Variants in CTNNA2 observed in about 807,000 individuals in gnomAD.
The protein encoded by CTNNA2 is catenin alpha 2, also known as catenin alpha-2.
Under a neutral mutation model 101.0 loss-of-function variants are expected in CTNNA2, and 42 were observed. The observed-to-expected ratio is 0.42, with a 90% CI of 0.32 to 0.54. CTNNA2 has a LOEUF of 0.54. CTNNA2 is among the 20% of genes least tolerant of loss of function. The pLI, the probability that CTNNA2 is intolerant of heterozygous loss-of-function variation, is 0.14. For synonymous variants in CTNNA2, 450 were observed against 456.4 expected (o/e 0.99, Z 0.18); for missense variants, 871 against 1,223.1 (o/e 0.71, Z 4.29).
chr2:80,592,532 C>A (rs3770345), intron 15 of CTNNA2, among the ~76,000 whole-genome samples: 3,660 of 152,286 alleles, frequency 0.024, 90 homozygotes, highest in South Asian at 0.13. Context: ...TGTGATTCTG[C>A]AGTTCCACCT....
chr2:79,499,564 T>A (rs901088521), intron 4 of CTNNA2, among the ~76,000 whole-genome samples: 1 of 152,200 alleles, frequency 6.6e-6, no homozygotes, highest in Non-Finnish European at 1.5e-5. Context: ...TTAGGACCCC[T>A]TTAGAGCTCC....
intron 12 of CTNNA2, among the ~76,000 whole-genome samples, chr2:80,570,989 G>A (rs941577193): frequency 3.3e-5 from 5 of 151,890 alleles, no homozygotes; most frequent in Non-Finnish European, 5.9e-5. Context: ...TCACCCTTGC[G>A]GGAAGTATCA....
chr2:80,594,356 G>T (rs1696766117), intron 15 of CTNNA2, among the ~76,000 whole-genome samples: 1 of 151,856 alleles, frequency 6.6e-6, no homozygotes, highest in African/African-American at 2.4e-5. Flanking sequence ...CTTTTTTGTT[G>T]TTGAGTTGTA....
chr2:80,564,164 T>C (rs1693849250), intron 12 of CTNNA2, among the ~76,000 whole-genome samples: 1 of 151,956 alleles, frequency 6.6e-6, no homozygotes, highest in Admixed American at 6.6e-5. Flanking sequence ...GCAATAAATT[T>C]TTAGCAAGCA....
chr2:79,876,581 G>A (rs773735814), intron 6 of CTNNA2, among the ~76,000 whole-genome samples: 35 of 152,184 alleles, frequency 2.3e-4, no homozygotes, highest in Admixed American at 1.6e-3. Context: ...GAGAAGGCCT[G>A]TGAACAGTCC....
chr2:79,654,538 T>C (rs147945132), intron 2 of CTNNA2, among the ~76,000 whole-genome samples: 21 of 152,294 alleles, frequency 1.4e-4, no homozygotes, highest in African/African-American at 4.8e-4. Context: ...ATCTTAACTC[T>C]ACTCCTTCTC....
At chr2:79,301,000 C>T (rs77680871) in intron 2 of CTNNA2, among the ~76,000 whole-genome samples, 2,670 of 152,264 alleles carry the variant, frequency 0.018, 75 homozygotes, top group African/African-American at 0.06. Flanking sequence ...ACCTCTTTGA[C>T]TGCTTTGCTC....
intron 7 of CTNNA2, among the ~76,000 whole-genome samples, chr2:80,373,842 T>G (rs904930398): frequency 6.6e-6 from 1 of 152,190 alleles, no homozygotes; most frequent in African/African-American, 2.4e-5. Context: ...AGTCTTGTGC[T>G]GTGAAATACT....
chr2:79,946,591 A>G (rs937098518), intron 7 of CTNNA2, among the ~76,000 whole-genome samples: 3 of 152,230 alleles, frequency 2.0e-5, no homozygotes, highest in African/African-American at 4.8e-5. Flanking sequence ...TAAAAATTTC[A>G]CAGCCCTCCA....
intron 6 of CTNNA2, among the ~76,000 whole-genome samples, chr2:79,906,471 C>A (rs1442707284): frequency 2.6e-5 from 4 of 152,210 alleles, no homozygotes; most frequent in Admixed American, 2.6e-4. Flanking sequence ...TGCTCCCCAT[C>A]TGTACTGCAG....
At chr2:80,087,828 G>A (rs75373706) in intron 7 of CTNNA2, among the ~76,000 whole-genome samples, 1,856 of 152,080 alleles carry the variant, frequency 0.012, 19 homozygotes, top group Non-Finnish European at 0.02. Flanking sequence ...TCCAGTTCTA[G>A]CACAGAGGTG....
intron 7 of CTNNA2, among the ~76,000 whole-genome samples, chr2:80,119,804 C>A (rs560774466): frequency 6.6e-6 from 1 of 152,224 alleles, no homozygotes; most frequent in Non-Finnish European, 1.5e-5. Flanking sequence ...CATGGGAATA[C>A]TATGATGACA....
intron 4 of CTNNA2, among the ~76,000 whole-genome samples, chr2:79,422,850 T>C (rs955562283): frequency 3.9e-5 from 6 of 152,266 alleles, no homozygotes; most frequent in South Asian, 2.1e-4. Flanking sequence ...AATTTAACAA[T>C]GTAGGAAGAA....
At chr2:79,782,935 T>A (rs921668447) in intron 3 of CTNNA2, among the ~76,000 whole-genome samples, 1 of 151,912 alleles carries the variant, frequency 6.6e-6, no homozygotes, top group African/African-American at 2.4e-5. Context: ...TTCATAAATT[T>A]AGTATGTTTT....
At chr2:79,371,922 C>T (rs903053477) in intron 3 of CTNNA2, among the ~76,000 whole-genome samples, 5 of 151,934 alleles carry the variant, frequency 3.3e-5, no homozygotes, top group African/African-American at 9.7e-5. Context: ...ACATTTAATC[C>T]CCGGTATAAC....
At chr2:79,512,990 G>C (rs879615044), upstream of CTNNA2, 7 of 152,092 alleles carry the variant, frequency 4.6e-5, no homozygotes, top group Non-Finnish European at 1.0e-4. Flanking sequence ...GGGCGGGCGG[G>C]GGGAGGGGGG....
intron 2 of CTNNA2, among the ~76,000 whole-genome samples, chr2:79,242,993 T>TACACACAC (rs1161415099): frequency 9.4e-5 from 11 of 116,724 alleles, no homozygotes; most frequent in Admixed American, 1.8e-4. Flanking sequence ...TATATATATA[T>TACACACAC]ACACACACAC....
At chr2:79,929,831 CG>C (rs1438154421) in intron 7 of CTNNA2, among the ~76,000 whole-genome samples, 1 of 152,078 alleles carries the variant, frequency 6.6e-6, no homozygotes, top group Admixed American at 6.6e-5. Context: ...CAGTTCTTGA[CG>C]GAAAAATTTT....
chr2:80,277,574 T>G (rs200868249), intron 7 of CTNNA2, among the ~76,000 whole-genome samples: 19 of 58,054 alleles, frequency 3.3e-4, no homozygotes, highest in South Asian at 1.3e-3. Flanking sequence ...AAAAAAAAAA[T>G]GGACTTCAAC....
Sources: allele counts gnomAD v4.1 joint callset (sites outside exome capture counted in the v4.1 genomes callset), GRCh38; gene constraint gnomAD v4.1.1; transcripts MANE v1.5; gene names NCBI Gene and HGNC (gene_info 2026-07-23, HGNC 2026-07-21).